Variants in XIRP2 observed in about 807,000 individuals in gnomAD.
The protein encoded by XIRP2 is xin actin-binding repeat-containing protein 2.
Under a neutral mutation model 277.0 loss-of-function variants are expected in XIRP2, and 236 were observed. That is an observed-to-expected ratio of 0.85 (90% confidence interval 0.77 to 0.95). The LOEUF (loss-of-function observed/expected upper bound fraction) is 0.95, where lower values mean the gene tolerates loss of function less well. Among genes scored for constraint, XIRP2 ranks in the 40% least tolerant of loss-of-function variants. XIRP2 has a pLI of 0.00. For synonymous variants in XIRP2, 1,490 were observed against 1,416.5 expected (o/e 1.05, Z -1.17); for missense variants, 4,640 against 4,157.5 (o/e 1.12, Z -3.19).
At chr2:166,935,075 A>G (rs576095043) in intron 2 of XIRP2, among the ~76,000 whole-genome samples, 111 of 151,416 alleles carry the variant, frequency 7.3e-4, no homozygotes, top group African/African-American at 2.6e-3. Context: ...TTCGACAGTC[A>G]GCATTTATTA....
intron 3 of XIRP2, among the ~76,000 whole-genome samples, chr2:167,155,848 C>G (rs895405620): frequency 2.0e-5 from 3 of 151,464 alleles, no homozygotes; most frequent in South Asian, 4.2e-4. Context: ...CTAGAAAACC[C>G]CATTGTCTCA....
At chr2:167,142,227 T>C (rs1165957450) in intron 3 of XIRP2, among the ~76,000 whole-genome samples, 1 of 152,052 alleles carries the variant, frequency 6.6e-6, no homozygotes, top group East Asian at 1.9e-4. Flanking sequence ...AGCCCACACA[T>C]GAGAGCCAAA....
chr2:167,165,042 T>C (rs1385898030), intron 3 of XIRP2, among the ~76,000 whole-genome samples: 1 of 152,190 alleles, frequency 6.6e-6, no homozygotes, highest in Non-Finnish European at 1.5e-5. Flanking sequence ...ACTGATGTTT[T>C]TATTGTCTCC....
intron 5 of XIRP2, among the ~76,000 whole-genome samples, chr2:167,238,034 G>T (rs1251659918): frequency 6.6e-6 from 1 of 152,158 alleles, no homozygotes; most frequent in African/African-American, 2.4e-5. Flanking sequence ...GAACTTGAAG[G>T]AATGAATATG....
chr2:167,099,806 C>A (rs1248857939), intron 2 of XIRP2, among the ~76,000 whole-genome samples: 1 of 152,026 alleles, frequency 6.6e-6, no homozygotes, highest in African/African-American at 2.4e-5. Context: ...AACACCTTAC[C>A]CTGCTTCTGC....
At chr2:166,963,570 C>T (rs1394183329) in intron 2 of XIRP2, among the ~76,000 whole-genome samples, 1 of 151,788 alleles carries the variant, frequency 6.6e-6, no homozygotes, top group Non-Finnish European at 1.5e-5. Context: ...GATATTTGAG[C>T]AGAGGTTGCA....
At chr2:167,146,519 G>GAAA (rs1001060890) in intron 3 of XIRP2, among the ~76,000 whole-genome samples, 8 of 150,578 alleles carry the variant, frequency 5.3e-5, no homozygotes, top group Non-Finnish European at 7.4e-5. Context: ...AAGAAAGAAA[G>GAAA]AAAGAAAGAA....
At position 167,247,418 on chromosome 2, in the gene XIRP2, T is replaced by C. The variant is rs1695311490; in HGVS notation, c.6026T>C (p.Leu2009Ser). ...ATGGGGAAATCTTGCCATGGCAATTTAGTAGAAGAAAGAACTGAGGTTAAT... is the reference window on the plus strand; with the variant it reads ...ATGGGGAAATCTTGCCATGGCAATTCAGTAGAAGAAAGAACTGAGGTTAAT... Reference protein sequence around the residue: ...QTMGKSCHGNLVEERTEVNLP... With the variant: ...QTMGKSCHGNSVEERTEVNLP... Residue 2009 changes from leucine to serine, a missense_variant, in exon 9 of 11, where the codon TTA becomes TCA. Coordinates refer to ENST00000409195, the MANE Select transcript of XIRP2 (RefSeq NM_152381.6). 1 of 1,613,568 alleles carries C rather than the reference T, an allele frequency of 6.2e-7. No homozygotes were observed. Among genetic ancestry groups the C allele is most frequent in the Non-Finnish European group, 8.5e-7 (1 of 1,179,776 alleles).
chr2:166,972,157 A>C (rs1686594655), intron 2 of XIRP2, among the ~76,000 whole-genome samples: 1 of 152,132 alleles, frequency 6.6e-6, no homozygotes, highest in South Asian at 2.1e-4. Flanking sequence ...TCTGCATGTG[A>C]GAATACATAC....
intron 2 of XIRP2, among the ~76,000 whole-genome samples, chr2:166,948,851 C>T (rs1420268579): frequency 6.6e-6 from 1 of 152,000 alleles, no homozygotes; most frequent in Non-Finnish European, 1.5e-5. Flanking sequence ...TTGAAAAACA[C>T]GGTTTTGTAC....
chr2:166,982,337 AC>A (rs1686894773), intron 2 of XIRP2, among the ~76,000 whole-genome samples: 1 of 150,614 alleles, frequency 6.6e-6, no homozygotes, highest in Non-Finnish European at 1.5e-5. Flanking sequence ...TAAAAAAAAA[AC>A]AGTCTGGGTT....
chr2:167,129,985 T>A (rs1164492835), intron 2 of XIRP2, among the ~76,000 whole-genome samples: 1 of 152,096 alleles, frequency 6.6e-6, no homozygotes, highest in Non-Finnish European at 1.5e-5. Flanking sequence ...GTAAAGATAA[T>A]AGACCTCACT....
chr2:167,135,681 G>A (rs1691523898), intron 2 of XIRP2, among the ~76,000 whole-genome samples: 2 of 151,982 alleles, frequency 1.3e-5, no homozygotes, highest in South Asian at 4.1e-4. Flanking sequence ...CACATGAAAG[G>A]AAGGCTAATT....
intron 2 of XIRP2, among the ~76,000 whole-genome samples, chr2:166,930,674 T>C (rs780237848): frequency 1.6e-4 from 25 of 152,210 alleles, no homozygotes; most frequent in Non-Finnish European, 2.8e-4. Context: ...TCTGATTATT[T>C]TGGTAATTCA....
intron 2 of XIRP2, among the ~76,000 whole-genome samples, chr2:167,036,868 T>C (rs193120611): frequency 1.3e-5 from 2 of 152,252 alleles, no homozygotes; most frequent in Non-Finnish European, 2.9e-5. Flanking sequence ...CTCATGATAG[T>C]GAATAAGTCT....
At position 167,258,205 on chromosome 2, in the gene XIRP2, G is replaced by A. The variant is rs754168104; in HGVS notation, c.*388G>A. 1 of 1,612,978 alleles carries A rather than the reference G, an allele frequency of 6.2e-7. No individual in the cohort carries two copies. The highest frequency in any genetic ancestry group is 1.7e-5 in the Admixed American group (1 of 59,816). On this transcript the variant is annotated 3_prime_UTR_variant, in exon 11 of 11. Coordinates refer to ENST00000409195, the MANE Select transcript of XIRP2 (RefSeq NM_152381.6). ...TCCCTAAGAAAACCTTACCCTTTGA[G>A]GAAGAGCTCAAAATGAGTAAACCTA...
intron 3 of XIRP2, among the ~76,000 whole-genome samples, chr2:167,159,379 C>T (rs558887049): frequency 1.3e-5 from 2 of 152,218 alleles, no homozygotes; most frequent in East Asian, 1.9e-4. Context: ...ATAATTGCTA[C>T]GTTGGCATAT....
At chr2:167,169,624 C>G (rs1248108595) in intron 3 of XIRP2, among the ~76,000 whole-genome samples, 1 of 152,192 alleles carries the variant, frequency 6.6e-6, no homozygotes, top group Non-Finnish European at 1.5e-5. Context: ...GGGTAACCTC[C>G]AAGCTTATTA....
chr2:167,187,435 G>A, intron 3 of XIRP2: 1 of 985,380 alleles, frequency 1.0e-6, no homozygotes, highest in Non-Finnish European at 1.2e-6. Context: ...TGGGAAATTG[G>A]CTGTACATGA....
Sources: gnomAD v4.1 joint callset for allele counts (sites outside exome capture counted in the v4.1 genomes callset) on GRCh38, gnomAD v4.1.1 for gene constraint, MANE v1.5 for transcripts, NCBI Gene and HGNC (gene_info 2026-07-23, HGNC 2026-07-21) for gene names.